MEP1B: variants seen among roughly 807,000 people sequenced by gnomAD.
The protein encoded by MEP1B is meprin A subunit beta, also known as N-benzoyl-L-tyrosyl-P-amino-benzoic acid hydrolase subunit beta.
In MEP1B, 80 loss-of-function variants were observed where a neutral mutation model predicts 84.6. The ratio of observed to expected loss-of-function variants is 0.95; its 90% CI spans 0.79 to 1.14. MEP1B has a LOEUF of 1.14. MEP1B is among the 50% of genes most tolerant of loss of function. The pLI is 0.00. For synonymous variants in MEP1B, 273 were observed against 288.1 expected (o/e 0.95, Z 0.53); for missense variants, 766 against 855.1 (o/e 0.90, Z 1.30).
At chr18:32,199,942 A>G (rs1309488830) in intron 5 of MEP1B, among the ~76,000 whole-genome samples, 1 of 152,046 alleles carries the variant, frequency 6.6e-6, no homozygotes, top group Non-Finnish European at 1.5e-5. Flanking sequence ...ACATCCAGTT[A>G]TATTTCTTTT....
At position 32,213,435 on chromosome 18, in the gene MEP1B, T is replaced by A. The variant is rs779807580; in HGVS notation, c.1455T>A (p.Asp485Glu). ...TCCACTTGATCTCTGGAGCCAATGA[T>A]GATCAATTACAGTGGCCATGTCCTT... ...IYFHLISGAN[D>E]DQLQWPCPWQ... Residue 485 changes from aspartate (D) to glutamate (E), a missense_variant, in exon 11 of 15, where the codon GAT becomes GAA. Transcript: ENST00000269202. 6.2e-7 allele frequency: 1 copy of A among 1,613,844 alleles called. No homozygotes were observed. The highest frequency in any genetic ancestry group is 8.5e-7 in the Non-Finnish European group (1 of 1,179,730).
At chr18:32,202,014 T>C (rs1315556939) in intron 5 of MEP1B, among the ~76,000 whole-genome samples, 1 of 152,228 alleles carries the variant, frequency 6.6e-6, no homozygotes, top group African/African-American at 2.4e-5. Context: ...GTTGATTTTA[T>C]TTCCTCACTT....
chr18:32,192,175 G>T (rs2040808312), intron 2 of MEP1B, among the ~76,000 whole-genome samples: 1 of 152,056 alleles, frequency 6.6e-6, no homozygotes, highest in South Asian at 2.1e-4. Context: ...CATACTCGGA[G>T]ATTTGGCCAT....
intron 7 of MEP1B, among the ~76,000 whole-genome samples, chr18:32,206,864 C>T (rs545330259): frequency 3.9e-5 from 6 of 152,280 alleles, no homozygotes; most frequent in African/African-American, 9.6e-5. Flanking sequence ...CCTGCCTCGA[C>T]CTCCCAAAGT....
Position 32,192,699 on chromosome 18 carries a change from A to AT in MEP1B, c.127+17dup, listed in dbSNP as rs377619755. 4.7e-4 allele frequency: 751 copies of AT among 1,612,598 alleles called. 1 individual carries two copies. In the Middle Eastern group the frequency reaches 7.4e-3, roughly 16 times the overall value. On this transcript the variant is annotated intron_variant, in intron 3 of 14. Coordinates refer to ENST00000269202, the MANE Select transcript of MEP1B (RefSeq NM_005925.3). Reference sequence around the variant, plus strand: ...ATTTGATATCAATGAAGGTTTGTGGATTTTTTTTACATAATCTCTTAAGTA... The same window carrying AT: ...ATTTGATATCAATGAAGGTTTGTGGATTTTTTTTTACATAATCTCTTAAGTA...
In MEP1B at chr18:32,203,001, A is replaced by T. The variant is rs761843303; in HGVS notation, c.359A>T (p.Lys120Met). ...GAAACAAACTATATATCAGTGTTCA[A>T]GGGCAGTGGGTAAGTTGCAGACTTA... The part of the protein sequence containing the change: ...AGETNYISVF[K>M]GSGCWSSVGN... Residue 120 changes from lysine (K) to methionine (M), a missense_variant, in exon 6 of 15, where the codon AAG (lysine) becomes ATG (methionine). Physicochemically the swap from Lys to Met is moderately conservative, Grantham distance 95. Transcript: ENST00000269202. 6 of 1,598,022 alleles carry T rather than the reference A, an allele frequency of 3.8e-6. No homozygotes were observed. The Admixed American group carries it at 1.0e-4, about 27-fold the overall frequency.
rs200861480 is a variant in MEP1B, at chr18:32,206,493, GAT to G, written c.548-758_548-757del. The stretch of plus-strand genomic sequence containing the variant: ...CACCCAGGCTGGAGTGCAGTGGCGT[GAT>G]CACAGCTCACTGCAGGCTCGACTTC... On this transcript the variant is annotated intron_variant, in intron 7 of 14. Coordinates refer to ENST00000269202, the MANE Select transcript of MEP1B (RefSeq NM_005925.3). Among the ~76,000 whole-genome samples, 966 of 150,244 alleles carry G rather than the reference GAT, an allele frequency of 6.4e-3. 13 individuals are homozygous for G. Among genetic ancestry groups the G allele is most frequent in the African/African-American group, 0.022 (898 of 40,812 alleles).
intron 7 of MEP1B, among the ~76,000 whole-genome samples, chr18:32,206,139 A>G (rs1050549161): frequency 2.6e-5 from 4 of 151,780 alleles, no homozygotes; most frequent in African/African-American, 7.2e-5. Flanking sequence ...CCGCCACCAC[A>G]CCCGGCTAAT....
At chr18:32,199,442 CAT>C (rs1212652948) in intron 5 of MEP1B, among the ~76,000 whole-genome samples, 1 of 151,774 alleles carries the variant, frequency 6.6e-6, no homozygotes, top group Non-Finnish European at 1.5e-5. Flanking sequence ...TGGCCAGAAA[CAT>C]AGATAAAAAA....
intron 9 of MEP1B, 66 bp from the exon 10 acceptor site, chr18:32,210,435 C>A: frequency 7.5e-7 from 1 of 1,339,870 alleles, no homozygotes; most frequent in South Asian, 1.3e-5. Flanking sequence ...CTAGCACCAC[C>A]ATTAACAAAC....
chr18:32,205,004 G>T (rs2040950096), intron 7 of MEP1B, among the ~76,000 whole-genome samples: 1 of 152,164 alleles, frequency 6.6e-6, no homozygotes, highest in Non-Finnish European at 1.5e-5. Flanking sequence ...CTGGGGATTA[G>T]GTTTCCAATA....
intron 14 of MEP1B, 121 bp downstream of exon 14, chr18:32,218,086 C>A: frequency 1.2e-6 from 1 of 805,022 alleles, no homozygotes; most frequent in Non-Finnish European, 2.0e-6. Flanking sequence ...TATGCTGGGA[C>A]AACTGATTTC....
chr18:32,199,162 T>C (rs943884646), intron 5 of MEP1B, among the ~76,000 whole-genome samples: 2 of 152,184 alleles, frequency 1.3e-5, no homozygotes, highest in African/African-American at 4.8e-5. Flanking sequence ...AGATACCAAA[T>C]AAATTCTTGG....
chr18:32,196,234 T>C lies in MEP1B; in HGVS notation c.250+749T>C, dbSNP rs190173839. ...GCTGAGAGGAATGAAGAGGATGCCATTGATGCCTTTGAACTGCTCCAAGAC... is the reference window on the plus strand; with the variant it reads ...GCTGAGAGGAATGAAGAGGATGCCACTGATGCCTTTGAACTGCTCCAAGAC... On this transcript the variant is annotated intron_variant, in intron 5 of 14. Coordinates refer to ENST00000269202, the MANE Select transcript of MEP1B (RefSeq NM_005925.3). The surrounding 1 kb of genome is among the most constrained non-coding windows in gnomAD (Gnocchi z 4.4). The C allele has an allele frequency of 1.1e-4, 79 of 694,114 alleles. No homozygotes were observed. Among genetic ancestry groups the C allele is most frequent in the African/African-American group, 1.1e-3 (63 of 56,856 alleles). The allele number at this position is 694,114 out of a possible 1,614,324, so 43.0% of individuals were successfully genotyped here.
rs544780737 is a variant in MEP1B at position 32,216,774 on chromosome 18, C to T, written c.1760-217C>T. Among the ~76,000 whole-genome samples, 36 of 151,866 alleles carry T rather than the reference C, an allele frequency of 2.4e-4. No homozygotes were observed. The East Asian group carries it at 4.1e-3, about 17-fold the overall frequency. On this transcript the variant is annotated intron_variant, in intron 12 of 14. Transcript: ENST00000269202. Reference sequence around the variant, plus strand: ...AGATTGGGCTTGGCATCATGGCTCACGCCTATAATCCCAGGACTCTGAGGC... The same window carrying T: ...AGATTGGGCTTGGCATCATGGCTCATGCCTATAATCCCAGGACTCTGAGGC...
rs932494710 is a variant in MEP1B, at chr18:32,201,823, G to A, written c.251-1070G>A. Among the ~76,000 whole-genome samples the A allele has an allele frequency of 4.6e-5, 7 of 152,308 alleles. No homozygotes were observed. The East Asian group carries it at 5.8e-4, about 13-fold the overall frequency. ...TTATGGATTTTAGGGTCTTCCCTAT[G>A]TGAATCCTGTTCTTGATCTTCTTAG... On this transcript the variant is annotated intron_variant, in intron 5 of 14. Transcript: ENST00000269202.
chr18:32,217,981 T>C lies in MEP1B; in HGVS notation c.2091+16T>C, dbSNP rs2041111645. The C allele has an allele frequency of 6.2e-7, 1 of 1,611,918 alleles. No homozygotes were observed. The highest frequency in any genetic ancestry group is 8.5e-7 in the Non-Finnish European group (1 of 1,178,446). ...TCCGCAAAATGTAAGTTGAGGCTGA[T>C]GTTTGATTATTCATAACCTATTGGT... On this transcript the variant is annotated intron_variant, in intron 14 of 14. Coordinates refer to ENST00000269202, the MANE Select transcript of MEP1B (RefSeq NM_005925.3).
intron 5 of MEP1B, among the ~76,000 whole-genome samples, chr18:32,202,681 A>G (rs1350346033): frequency 1.3e-5 from 2 of 152,232 alleles, no homozygotes; most frequent in Non-Finnish European, 2.9e-5. Flanking sequence ...CTAGAGAAAT[A>G]TAAGGCCAAA....
intron 8 of MEP1B, 76 bp from the exon 9 acceptor site, chr18:32,208,043 C>T (rs1475677617): frequency 6.1e-6 from 9 of 1,486,592 alleles, no homozygotes; most frequent in Admixed American, 5.2e-5. Flanking sequence ...ATTTCTAATA[C>T]TGTGATAAGT....
Sources: gnomAD v4.1 joint callset for allele counts (sites outside exome capture counted in the v4.1 genomes callset) on GRCh38, gnomAD v4.1.1 for gene constraint, Gnocchi (gnomAD v3.1) non-coding constraint, MANE v1.5 for transcripts, NCBI Gene and HGNC (gene_info 2026-07-23, HGNC 2026-07-21) for gene names.